Variants in ARMCX4 observed in about 807,000 individuals in gnomAD.
ARMCX4 encodes armadillo repeat-containing X-linked protein 4.
In ARMCX4, 3 loss-of-function variants were observed where a neutral mutation model predicts 34.7. The ratio of observed to expected loss-of-function variants is 0.09; its 90% CI spans 0.04 to 0.22. The LOEUF (loss-of-function observed/expected upper bound fraction) is 0.22, where lower values mean the gene tolerates loss of function less well. ARMCX4 is among the 10% of genes least tolerant of loss of function. The probability of loss-of-function intolerance (pLI) is 1.00; values close to 1 mark genes in which losing one functional copy is unlikely to be tolerated. For synonymous variants in ARMCX4, 513 were observed against 632.8 expected (o/e 0.81, Z 2.84); for missense variants, 1,448 against 1,720.8 (o/e 0.84, Z 2.81).
intron 4 of ARMCX4, among the ~76,000 whole-genome samples, chrX:101,457,904 G>A (rs1932386736): frequency 9.1e-6 from 1 of 109,741 alleles, no homozygotes; most frequent in Non-Finnish European, 1.9e-5. Flanking sequence ...CACCATGCCC[G>A]GCTATTTTTT....
downstream of ARMCX4, among the ~76,000 whole-genome samples, chrX:101,446,409 A>C (rs1255073323): frequency 9.0e-6 from 1 of 111,541 alleles, no homozygotes; most frequent in African/African-American, 3.3e-5. Flanking sequence ...AGAATAAAAC[A>C]AGGGGGCATA....
intron 11 of ARMCX4, among the ~76,000 whole-genome samples, chrX:101,526,817 C>T (rs1047231317): frequency 1.8e-5 from 2 of 111,646 alleles, no homozygotes; most frequent in East Asian, 2.8e-4. Context: ...TACAGGAGCA[C>T]CCAGATTAGT....
At chrX:101,510,335 T>C (rs1298885917) in intron 10 of ARMCX4, among the ~76,000 whole-genome samples, 12 of 111,966 alleles carry the variant, frequency 1.1e-4, no homozygotes, top group African/African-American at 3.9e-4. Flanking sequence ...AATCTCCCTT[T>C]GTGTGAATGT....
downstream of ARMCX4, among the ~76,000 whole-genome samples, chrX:101,448,510 T>G (rs1342998757): frequency 8.9e-6 from 1 of 112,379 alleles, no homozygotes; most frequent in Non-Finnish European, 1.9e-5. Context: ...GCATTTGTTA[T>G]TGCCTGTCTT....
chrX:101,488,852 A>C lies in ARMCX4; in HGVS notation c.263A>C (p.Glu88Ala), dbSNP rs1163153954. The change falls in exon 6 of 6, where the codon GAG becomes GCG. Residue 88 changes from glutamate to alanine, a missense_variant. This residue lies in a region of ARMCX4 where 1,343 missense variants were observed against 1,540.7 expected (regional missense o/e 0.87). Coordinates refer to ENST00000423738, the MANE Select transcript of ARMCX4 (RefSeq NM_001256155.3). The part of the protein sequence containing the change: ...GARSGPRAEV[E>A]TKATAIAIHR... ...AGAAGTGGGCCTAGGGCTGAAGTAGAGACCAAGGCCACTGCTATAGCCATA... is the reference window on the plus strand; with the variant it reads ...AGAAGTGGGCCTAGGGCTGAAGTAGCGACCAAGGCCACTGCTATAGCCATA... The C allele has an allele frequency of 8.7e-7, 1 of 1,154,183 alleles. No individual in the cohort carries two copies. The highest frequency in any genetic ancestry group is 1.8e-5 in the African/African-American group (1 of 55,752).
chrX:101,459,198 C>T (rs1556000871), intron 4 of ARMCX4, among the ~76,000 whole-genome samples: 1 of 112,247 alleles, frequency 8.9e-6, no homozygotes, highest in East Asian at 2.8e-4. Flanking sequence ...GTACTTTTTA[C>T]TGAAGGTTTA....
At chrX:101,435,953 T>C (rs1555994680) in intron 2 of ARMCX4, among the ~76,000 whole-genome samples, 1 of 111,735 alleles carries the variant, frequency 8.9e-6, no homozygotes, top group Non-Finnish European at 1.9e-5. Context: ...CAGATAGTTG[T>C]AGATATGTGG....
In ARMCX4 at chrX:101,487,207, C is replaced by T. The variant is rs2147662074; in HGVS notation, c.-352C>T. The T allele has an allele frequency of 8.6e-6, 1 of 116,848 alleles. No homozygotes were observed. The highest frequency in any genetic ancestry group is 1.8e-5 in the Non-Finnish European group (1 of 57,110). The allele number at this position is 116,848 out of a possible 1,213,427, so 9.6% of individuals were successfully genotyped here. A position where few individuals can be genotyped will look rare whatever the true frequency, so the allele number is the denominator to read the frequency against. On this transcript the variant is annotated 5_prime_UTR_variant, in exon 3 of 6. Coordinates refer to ENST00000423738, the MANE Select transcript of ARMCX4 (RefSeq NM_001256155.3). ...TCTGTTCCAAGGTCTTCCCATAGGC[C>T]TGCAGTAGGGCTGTTTACCATTGGA...
In ARMCX4 at chrX:101,433,215, CAT is replaced by C. The variant is rs1218485609; in HGVS notation, n.165-10831_165-10830del. Among the ~76,000 whole-genome samples, 16 of 27,951 alleles carry C rather than the reference CAT, an allele frequency of 5.7e-4. 1 individual carries two copies. Among genetic ancestry groups the C allele is most frequent in the South Asian group, 2.8e-3 (2 of 713 alleles). The allele number at this position is 27,951 out of a possible 115,157, so 24.3% of individuals were successfully genotyped here. On this transcript the variant is annotated intron_variant and non_coding_transcript_variant, in intron 2 of 3. Transcript: ENST00000430461. ...ATACACATATATGTGCATATACGCA[CAT>C]ATATACATATATGTACACATATGTA...
rs148709886 is a variant in ARMCX4, at chrX:101,491,626, A to G, written c.3037A>G (p.Ile1013Val). 2,491 of 1,155,570 alleles carry G rather than the reference A, an allele frequency of 2.2e-3. No homozygotes were observed. Among genetic ancestry groups the G allele is most frequent in the Non-Finnish European group, 2.7e-3 (2,319 of 872,841 alleles). The change falls in exon 6 of 6, where the codon ATT becomes GTT. Residue 1013 changes from isoleucine to valine, a missense_variant. Around this residue, in one of 2 missense-constraint regions of ARMCX4, gnomAD observed 1,343 missense variants for 1,540.7 expected, o/e 0.87. Transcript: ENST00000423738. ...CAGGAATAAGGTCAAGGGCAATACC[A>G]TTGCTGTGCCTAAAGCAGGGACTGG... ...GARNKVKGNT[I>V]AVPKAGTGAG...
At chrX:101,521,082 C>A (rs1556019010) in intron 11 of ARMCX4, among the ~76,000 whole-genome samples, 2 of 108,892 alleles carry the variant, frequency 1.8e-5, no homozygotes, top group African/African-American at 6.7e-5. Context: ...CAGATGCCTG[C>A]CACCATGCCT....
downstream of ARMCX4, chrX:101,498,786 G>T (rs2147684502): frequency 9.0e-6 from 1 of 111,677 alleles, no homozygotes; most frequent in South Asian, 3.8e-4. Flanking sequence ...CTTGGAATGG[G>T]GGACATCTGG....
At chrX:101,497,877 G>A (rs1934213928), downstream of ARMCX4, among the ~76,000 whole-genome samples, 1 of 111,749 alleles carries the variant, frequency 8.9e-6, no homozygotes, top group Admixed American at 9.5e-5. Context: ...ACTTGTAGTG[G>A]ATTCTACCAT....
intron 2 of ARMCX4, among the ~76,000 whole-genome samples, chrX:101,427,330 G>A (rs1555991164): frequency 9.0e-6 from 1 of 111,054 alleles, no homozygotes; most frequent in Non-Finnish European, 1.9e-5. Context: ...AGTTTTGCAG[G>A]CTGGGAAGTT....
chrX:101,455,997 C>CT (rs1216372039), intron 4 of ARMCX4, among the ~76,000 whole-genome samples: 1 of 111,671 alleles, frequency 9.0e-6, no homozygotes, highest in African/African-American at 3.3e-5. Context: ...TGATCTCATT[C>CT]TTTTTTTAAT....
downstream of ARMCX4, among the ~76,000 whole-genome samples, chrX:101,450,850 G>A (rs782056912): frequency 9.0e-6 from 1 of 111,500 alleles, no homozygotes; most frequent in South Asian, 3.8e-4. Context: ...AGTGTGTATA[G>A]AAATGTCATT....
chrX:101,527,050 C>T (rs1934991666), intron 11 of ARMCX4, among the ~76,000 whole-genome samples: 1 of 111,856 alleles, frequency 8.9e-6, no homozygotes, highest in Admixed American at 9.5e-5. Flanking sequence ...CACCACATCG[C>T]ACTTATTCCA....
chrX:101,465,771 T>C (rs1267264789), intron 4 of ARMCX4, among the ~76,000 whole-genome samples: 1 of 112,182 alleles, frequency 8.9e-6, no homozygotes, highest in Admixed American at 9.5e-5. Context: ...ACAAGGAGCA[T>C]CTACAAAATT....
chrX:101,508,825 T>C (rs1397584867), intron 8 of ARMCX4, among the ~76,000 whole-genome samples: 1 of 111,835 alleles, frequency 8.9e-6, no homozygotes, highest in East Asian at 2.8e-4. Context: ...CTATGGGAGA[T>C]GAGTTTAGCT....
Sources: allele counts gnomAD v4.1 joint callset (sites outside exome capture counted in the v4.1 genomes callset), GRCh38; gene constraint gnomAD v4.1.1; regional missense constraint gnomAD v4.1.1; transcripts MANE v1.5; gene names NCBI Gene and HGNC (gene_info 2026-07-23, HGNC 2026-07-21).